The following LUZP2 variants were observed in gnomAD, a reference collection of about 807,000 sequenced individuals.
The protein encoded by LUZP2 is leucine zipper protein 2.
A neutral mutation model predicts 51.6 loss-of-function variants in LUZP2; 52 were observed. The observed-to-expected ratio is 1.01, with a 90% confidence interval of 0.81 to 1.27. The LOEUF is 1.27. Among genes scored for constraint, LUZP2 ranks in the 50% most tolerant of loss-of-function variants. LUZP2 has a pLI of 0.00. For missense variants in LUZP2, 436 were observed against 395.4 expected, an observed-to-expected ratio of 1.10 and a Z score of -0.87; for synonymous variants, 154 against 137.3, an observed-to-expected ratio of 1.12 and a Z score of -0.85.
At position 24,699,653 on chromosome 11, in the gene LUZP2, C is replaced by CTATATA. The variant is rs376832974; in HGVS notation, c.63-29516_63-29515insTATATA. ...ATGGAGCTAAGAACAATAGCCTTGG[C>CTATATA]CATATATATATATACACACACACAT... On this transcript the variant is annotated intron_variant, in intron 1 of 11. Transcript: ENST00000336930. Among the ~76,000 whole-genome samples, 449 of 132,134 alleles carry CTATATA rather than the reference C, an allele frequency of 3.4e-3. 1 individual carries two copies. Among genetic ancestry groups the CTATATA allele is most frequent in the South Asian group, 0.025 (111 of 4,360 alleles). The allele number at this position is 132,134 out of a possible 152,430, so 86.7% of individuals were successfully genotyped here.
intron 9 of LUZP2, among the ~76,000 whole-genome samples, chr11:25,029,836 C>A (rs1204048853): frequency 6.6e-6 from 1 of 151,200 alleles, no homozygotes; most frequent in East Asian, 1.9e-4. Flanking sequence ...CACATTTTTA[C>A]AGGATACTAT....
intron 7 of LUZP2, among the ~76,000 whole-genome samples, chr11:24,916,832 T>A (rs1283020359): frequency 6.6e-6 from 1 of 152,188 alleles, no homozygotes; most frequent in African/African-American, 2.4e-5. Context: ...TGATTTATGA[T>A]CCTTTGGGTA....
At chr11:25,059,999 A>G (rs1345936628) in intron 10 of LUZP2, among the ~76,000 whole-genome samples, 3 of 152,132 alleles carry the variant, frequency 2.0e-5, no homozygotes, top group Non-Finnish European at 4.4e-5. Flanking sequence ...TCCATTAGGA[A>G]CCTTTATATG....
At chr11:24,595,181 G>GAAA (rs34188144) in intron 1 of LUZP2, among the ~76,000 whole-genome samples, 18 of 143,960 alleles carry the variant, frequency 1.3e-4, no homozygotes, top group South Asian at 2.2e-4. Flanking sequence ...ATTAGATTCT[G>GAAA]AAAAAAAAAA....
chr11:24,870,957 T>C (rs1852052810), intron 5 of LUZP2, among the ~76,000 whole-genome samples: 1 of 151,978 alleles, frequency 6.6e-6, no homozygotes, highest in Non-Finnish European at 1.5e-5. Context: ...TGGTAGAACA[T>C]TTTTTTGCTT....
At chr11:24,984,457 T>G (rs1856128020) in intron 9 of LUZP2, among the ~76,000 whole-genome samples, 1 of 145,916 alleles carries the variant, frequency 6.9e-6, no homozygotes, top group African/African-American at 2.5e-5. Flanking sequence ...CTTTTAAAAA[T>G]TATTCAAAAC....
Position 24,607,154 on chromosome 11 carries a change from A to G in LUZP2, c.62+109849A>G, listed in dbSNP as rs1042158729. Among the ~76,000 whole-genome samples, 3 of 150,794 alleles carry G rather than the reference A, an allele frequency of 2.0e-5. No homozygotes were observed. In the East Asian group the frequency reaches 5.8e-4, roughly 29 times the overall value. On this transcript the variant is annotated intron_variant, in intron 1 of 11. Transcript: ENST00000336930. The stretch of plus-strand genomic sequence containing the variant: ...ATTTTAGTTTCATGTACTTCCAATC[A>G]TTTATTTTTTATTTTCTCGCCTAGG...
At position 24,814,614 on chromosome 11, in the gene LUZP2, A is replaced by C. The variant is rs527644426; in HGVS notation, c.396+51306A>C. 1.4e-4 allele frequency among the ~76,000 whole-genome samples: 22 copies of C among 152,336 alleles called. No homozygotes were observed. In the East Asian group the frequency reaches 3.9e-3, roughly 27 times the overall value. ...TATCGACCCACACAGCTAAAGTTCC[A>C]GATGACTTATGGTAGTTACAGCTTA... On this transcript the variant is annotated intron_variant, in intron 5 of 11. Transcript: ENST00000336930.
At chr11:25,046,981 T>C (rs1858333059) in intron 9 of LUZP2, among the ~76,000 whole-genome samples, 1 of 152,214 alleles carries the variant, frequency 6.6e-6, no homozygotes, top group Non-Finnish European at 1.5e-5. Context: ...GGATGTGTTT[T>C]ATTTTTTAAT....
chr11:24,676,608 G>A (rs766104577), intron 1 of LUZP2, among the ~76,000 whole-genome samples: 4 of 152,054 alleles, frequency 2.6e-5, no homozygotes, highest in Non-Finnish European at 5.9e-5. Flanking sequence ...AGTGGTATGC[G>A]AGATACTAAT....
intron 7 of LUZP2, among the ~76,000 whole-genome samples, chr11:24,964,181 G>A (rs925878806): frequency 6.6e-6 from 1 of 152,152 alleles, no homozygotes; most frequent in Admixed American, 6.5e-5. Flanking sequence ...TTAACTGTCA[G>A]ATGAGGATAA....
intron 1 of LUZP2, among the ~76,000 whole-genome samples, chr11:24,589,513 A>G (rs1427664062): frequency 6.6e-6 from 1 of 152,140 alleles, no homozygotes; most frequent in Admixed American, 6.6e-5. Flanking sequence ...TCAGACTTCT[A>G]ATATCTTAGT....
At chr11:24,964,660 A>G (rs1855529529) in intron 7 of LUZP2, among the ~76,000 whole-genome samples, 1 of 152,096 alleles carries the variant, frequency 6.6e-6, no homozygotes, top group African/African-American at 2.4e-5. Context: ...CCTAGCAATT[A>G]CTACCTCCTA....
At chr11:24,971,187 A>G (rs996017158) in intron 7 of LUZP2, among the ~76,000 whole-genome samples, 1 of 152,162 alleles carries the variant, frequency 6.6e-6, no homozygotes, top group Non-Finnish European at 1.5e-5. Context: ...GACCAGTTTC[A>G]TGGAAGACCA....
At chr11:24,660,554 C>G (rs1855983236) in intron 1 of LUZP2, among the ~76,000 whole-genome samples, 1 of 151,954 alleles carries the variant, frequency 6.6e-6, no homozygotes, top group Admixed American at 6.6e-5. Context: ...TAAATTCTAC[C>G]CATGGATTGC....
rs571783298 is a variant in LUZP2, at chr11:24,935,346, C to G, written c.522+20808C>G. Reference sequence around the variant, plus strand: ...AAAATCATTCCCTTTGTGAAGTTGCCTGGGCTACTGGTATTTCAGTGAACT... The same window carrying G: ...AAAATCATTCCCTTTGTGAAGTTGCGTGGGCTACTGGTATTTCAGTGAACT... On this transcript the variant is annotated intron_variant, in intron 7 of 11. Transcript: ENST00000336930. Among the ~76,000 whole-genome samples, 121 of 152,222 alleles carry G rather than the reference C, an allele frequency of 7.9e-4. 3 individuals carry two copies. In the South Asian group the frequency reaches 0.019, roughly 24 times the overall value.
chr11:24,741,204 C>A (rs1042902967), intron 4 of LUZP2, among the ~76,000 whole-genome samples: 2 of 151,954 alleles, frequency 1.3e-5, no homozygotes, highest in African/African-American at 4.8e-5. Flanking sequence ...TAAAAGCCAG[C>A]ATTGAAATGT....
intron 6 of LUZP2, among the ~76,000 whole-genome samples, chr11:24,913,337 A>T (rs1853696401): frequency 6.6e-6 from 1 of 152,152 alleles, no homozygotes; most frequent in Non-Finnish European, 1.5e-5. Flanking sequence ...TTGTTCTATA[A>T]TTCAGTACTT....
chr11:24,998,641 A>G (rs185974081), intron 9 of LUZP2, among the ~76,000 whole-genome samples: 167 of 152,256 alleles, frequency 1.1e-3, no homozygotes, highest in African/African-American at 3.9e-3. Context: ...TTAATCCTCT[A>G]CTTTCCAGAA....
Sources: allele counts gnomAD v4.1 joint callset (sites outside exome capture counted in the v4.1 genomes callset), GRCh38; gene constraint gnomAD v4.1.1; transcripts MANE v1.5; gene names NCBI Gene and HGNC (gene_info 2026-07-23, HGNC 2026-07-21).